The following MECOM variants were observed in gnomAD, a reference collection of about 807,000 sequenced individuals.
The protein encoded by MECOM is histone-lysine N-methyltransferase MECOM.
Under a neutral mutation model 116.3 loss-of-function variants are expected in MECOM, and 13 were observed. The ratio of observed to expected loss-of-function variants is 0.11; its 90% CI spans 0.07 to 0.18. MECOM has a LOEUF of 0.18. Ranked by LOEUF, MECOM falls within the 10% of genes least tolerant of loss-of-function variation. The probability of loss-of-function intolerance (pLI) is 1.00; values close to 1 mark genes in which losing one functional copy is unlikely to be tolerated. For synonymous variants in MECOM, 528 were observed against 535.2 expected, an observed-to-expected ratio of 0.99 and a Z score of 0.19; for missense variants, 1,299 against 1,509.0, an observed-to-expected ratio of 0.86 and a Z score of 2.31.
chr3:169,658,940 G>A (rs1775874043), intron 1 of MECOM, among the ~76,000 whole-genome samples: 2 of 152,076 alleles, frequency 1.3e-5, no homozygotes. Context: ...GGGGAGGAGG[G>A]CGTCCCCCCT....
At chr3:169,598,776 T>A (rs1428421889) in intron 1 of MECOM, among the ~76,000 whole-genome samples, 2 of 152,068 alleles carry the variant, frequency 1.3e-5, no homozygotes, top group Admixed American at 1.3e-4. Context: ...CTAGATCAGA[T>A]CAGCTAGCAA....
chr3:169,535,862 C>T (rs1282051048), intron 1 of MECOM, among the ~76,000 whole-genome samples: 2 of 152,186 alleles, frequency 1.3e-5, no homozygotes, highest in East Asian at 3.8e-4. Flanking sequence ...TACTTAACCT[C>T]TCTGGGTCCC....
In MECOM at chr3:169,326,720, G is replaced by A. The variant is rs186286441; in HGVS notation, c.375+54467C>T. On this transcript the variant is annotated intron_variant, in intron 2 of 16. Coordinates refer to ENST00000651503, the MANE Select transcript of MECOM (RefSeq NM_004991.4). ...TTTGCTATTTTTACCACCTTCAAAC[G>A]GACAGTAAAGTACTTGTGTGAAATT... 2.0e-4 allele frequency among the ~76,000 whole-genome samples: 31 copies of A among 152,146 alleles called. No homozygotes were observed. In the East Asian group the frequency reaches 3.5e-3, roughly 17 times the overall value.
chr3:169,433,025 G>A (rs1429733258), intron 1 of MECOM, among the ~76,000 whole-genome samples: 2 of 152,186 alleles, frequency 1.3e-5, no homozygotes, highest in Admixed American at 6.5e-5. Context: ...GGTATGTACT[G>A]AAGCTGTGTA....
chr3:169,112,845 A>T lies in MECOM; in HGVS notation c.2519T>A (p.Leu840His). The change falls in exon 9 of 17, where the codon CTT becomes CAT. Residue 840 changes from leucine (L) to histidine (H), a missense_variant. Physicochemically the swap from Leu to His is moderately conservative, Grantham distance 99 (BLOSUM62 -3). Coordinates refer to ENST00000651503, the MANE Select transcript of MECOM (RefSeq NM_004991.4). ...CAAGTATTTCTCTTTTAAAGCTTCA[A>T]GTGGGTCAGTTAGTTTTCTTTTCTC... is the stretch of plus-strand genomic sequence containing the variant. ...RVEKRKLTDP[L>H]EALKEKYLRP... is the part of the protein sequence containing the mutation. 6.2e-7 allele frequency: 1 copy of T among 1,612,966 alleles called. No individual in the cohort carries two copies. The highest frequency in any genetic ancestry group is 1.7e-4 in the Middle Eastern group (1 of 5,994).
At position 169,122,744 on chromosome 3, in the gene MECOM, A is replaced by T. The variant is rs373073935; in HGVS notation, c.831-17T>A. ...TTCTCCAGGCTGTTAAGAGAACAAT[A>T]GATTTTAAAAGACAAAGGATGCATT... On this transcript the variant is annotated splice_polypyrimidine_tract_variant and intron_variant, in intron 5 of 16. Transcript: ENST00000651503. 30 of 1,610,458 alleles carry T rather than the reference A, an allele frequency of 1.9e-5. No individual in the cohort carries two copies. The highest frequency in any genetic ancestry group is 2.5e-5 in the Non-Finnish European group (29 of 1,177,664).
At chr3:169,423,627 G>A (rs1740141221) in intron 1 of MECOM, among the ~76,000 whole-genome samples, 1 of 152,112 alleles carries the variant, frequency 6.6e-6, no homozygotes, top group Admixed American at 6.6e-5. Context: ...TTTGAAATTA[G>A]TGAGAATTTT....
intron 1 of MECOM, among the ~76,000 whole-genome samples, chr3:169,560,848 T>C (rs1367714280): frequency 1.3e-5 from 2 of 152,050 alleles, no homozygotes; most frequent in Non-Finnish European, 2.9e-5. Flanking sequence ...TTAAAGATAG[T>C]AGAATTTTGG....
intron 2 of MECOM, among the ~76,000 whole-genome samples, chr3:169,259,526 C>T (rs997187337): frequency 9.9e-5 from 15 of 152,118 alleles, no homozygotes; most frequent in African/African-American, 3.6e-4. Context: ...TGTTTGAGAC[C>T]AGCCTGGGCA....
intron 1 of MECOM, among the ~76,000 whole-genome samples, chr3:169,478,660 G>A (rs961649078): frequency 2.0e-5 from 3 of 152,316 alleles, no homozygotes; most frequent in Admixed American, 6.5e-5. Flanking sequence ...CCCTAAGGTT[G>A]TGTGTATTGT....
chr3:169,336,939 A>AT (rs1312584181), intron 2 of MECOM, among the ~76,000 whole-genome samples: 4 of 152,224 alleles, frequency 2.6e-5, no homozygotes, highest in South Asian at 2.1e-4. Flanking sequence ...AACTTTAGAT[A>AT]TTTTTTCCGA....
intron 1 of MECOM, among the ~76,000 whole-genome samples, chr3:169,391,768 G>A (rs1197333657): frequency 6.6e-6 from 1 of 152,072 alleles, no homozygotes; most frequent in Non-Finnish European, 1.5e-5. Context: ...CAACTTCATA[G>A]ACTACCAAAC....
intron 1 of MECOM, among the ~76,000 whole-genome samples, chr3:169,657,583 C>A (rs953538867): frequency 6.6e-6 from 1 of 152,214 alleles, no homozygotes; most frequent in Non-Finnish European, 1.5e-5. Flanking sequence ...AGAACCCAGT[C>A]TCCAGAGGGA....
chr3:169,130,204 T>C (rs559366509), intron 4 of MECOM, among the ~76,000 whole-genome samples: 37 of 152,284 alleles, frequency 2.4e-4, no homozygotes, highest in African/African-American at 7.2e-4. Flanking sequence ...TAATCATTAA[T>C]ATTAAATAAA....
intron 3 of MECOM, among the ~76,000 whole-genome samples, chr3:169,141,166 T>C (rs1737991382): frequency 6.6e-6 from 1 of 152,108 alleles, no homozygotes; most frequent in Non-Finnish European, 1.5e-5. Flanking sequence ...ATGACCTAAT[T>C]ATTACCATGA....
intron 2 of MECOM, among the ~76,000 whole-genome samples, chr3:169,324,183 T>A (rs530352643): frequency 6.6e-6 from 1 of 152,178 alleles, no homozygotes; most frequent in African/African-American, 2.4e-5. Flanking sequence ...TAGTGCTCTG[T>A]GCTCACACAG....
intron 2 of MECOM, among the ~76,000 whole-genome samples, chr3:169,311,078 T>C (rs1257707922): frequency 2.0e-5 from 3 of 152,234 alleles, no homozygotes; most frequent in East Asian, 1.9e-4. Context: ...TATCATGCTC[T>C]AATGCTGTTC....
chr3:169,154,478 T>G (rs1182662588), intron 2 of MECOM, among the ~76,000 whole-genome samples: 1 of 152,188 alleles, frequency 6.6e-6, no homozygotes, highest in African/African-American at 2.4e-5. Context: ...TTTGAATGCC[T>G]AATTTGGATG....
At chr3:169,536,167 C>A (rs1759323597) in intron 1 of MECOM, among the ~76,000 whole-genome samples, 2 of 152,058 alleles carry the variant, frequency 1.3e-5, no homozygotes, top group African/African-American at 4.8e-5. Flanking sequence ...CTGAGACAAA[C>A]CAGACAGCAA....
Sources: allele counts gnomAD v4.1 joint callset (sites outside exome capture counted in the v4.1 genomes callset), GRCh38; gene constraint gnomAD v4.1.1; transcripts MANE v1.5; gene names NCBI Gene and HGNC (gene_info 2026-07-23, HGNC 2026-07-21).